CHRM2: variants seen among roughly 807,000 people sequenced by gnomAD.
CHRM2 encodes muscarinic acetylcholine receptor M2.
In CHRM2, 8 loss-of-function variants were observed where a neutral mutation model predicts 25.0. The ratio of observed to expected loss-of-function variants is 0.32; its 90% CI spans 0.19 to 0.58. CHRM2 has a LOEUF of 0.58. Among genes scored for constraint, CHRM2 ranks in the 20% least tolerant of loss-of-function variants. CHRM2 has a pLI of 0.88. For synonymous variants in CHRM2, 202 were observed against 205.7 expected (o/e 0.98, Z 0.15); for missense variants, 440 against 567.1 (o/e 0.78, Z 2.28).
chr7:137,003,210 G>T (rs974296750), intron 3 of CHRM2, among the ~76,000 whole-genome samples: 1 of 152,040 alleles, frequency 6.6e-6, no homozygotes, highest in Non-Finnish European at 1.5e-5. Flanking sequence ...CAGCCTGGTA[G>T]GGCTTGCTGC....
At chr7:136,979,573 T>C (rs773887352) in intron 2 of CHRM2, among the ~76,000 whole-genome samples, 19 of 152,248 alleles carry the variant, frequency 1.2e-4, no homozygotes, top group African/African-American at 3.9e-4. Flanking sequence ...GTTTTTATGG[T>C]TTTATGTCTT....
intron 2 of CHRM2, among the ~76,000 whole-genome samples, chr7:136,956,101 GA>G (rs1800708543): frequency 6.6e-6 from 1 of 151,984 alleles, no homozygotes; most frequent in Non-Finnish European, 1.5e-5. Context: ...TTTAATAGGG[GA>G]AAAGAGAGAT....
intron 3 of CHRM2, among the ~76,000 whole-genome samples, chr7:136,992,743 TTCTC>T: frequency 1.3e-5 from 2 of 152,270 alleles, no homozygotes; most frequent in South Asian, 4.1e-4. Flanking sequence ...CCCTCTGTCT[TTCTC>T]TCTATCTAAA....
At chr7:136,936,255 C>T (rs1473880698) in intron 2 of CHRM2, among the ~76,000 whole-genome samples, 1 of 152,136 alleles carries the variant, frequency 6.6e-6, no homozygotes. Flanking sequence ...GCTAATGTTA[C>T]TGGTCTGGAT....
intron 2 of CHRM2, among the ~76,000 whole-genome samples, chr7:136,886,637 C>G (rs1180977857): frequency 6.6e-6 from 1 of 151,950 alleles, no homozygotes; most frequent in African/African-American, 2.4e-5. Flanking sequence ...GAGGCCAAGG[C>G]AGGTGGAGTA....
At chr7:136,999,609 C>T (rs143633924) in intron 3 of CHRM2, among the ~76,000 whole-genome samples, 1 of 151,462 alleles carries the variant, frequency 6.6e-6, no homozygotes, top group African/African-American at 2.4e-5. Flanking sequence ...CATGTGTTCT[C>T]ATTGTTCAAT....
Position 137,015,771 on chromosome 7 carries a change from C to T in CHRM2, c.906C>T (p.Thr302=), listed in dbSNP as rs149168625. ...CTAATATGAGAGATGATGAAATAAC[C>T]CAGGATGAAAACACAGTTTCCACTT... The part of the protein sequence containing the change: ...VASNMRDDEI[T]QDENTVSTSL... Residue 302 remains threonine, a synonymous_variant, in exon 4 of 4, where the codon ACC becomes ACT. Coordinates refer to ENST00000680005, the MANE Select transcript of CHRM2 (RefSeq NM_001006630.2). This position sits in a 1 kb window ranked among gnomAD's most constrained non-coding sequence, Gnocchi z 5.1. 1 of 1,612,976 alleles carries T rather than the reference C, an allele frequency of 6.2e-7. No homozygotes were observed. The highest frequency in any genetic ancestry group is 1.3e-5 in the African/African-American group (1 of 74,766).
chr7:136,977,944 CT>C (rs1318806785), intron 2 of CHRM2, among the ~76,000 whole-genome samples: 1 of 152,148 alleles, frequency 6.6e-6, no homozygotes, highest in East Asian at 1.9e-4. Flanking sequence ...CGGTTTCATT[CT>C]TCTGCATATG....
At chr7:136,962,130 C>A (rs546051974) in intron 2 of CHRM2, among the ~76,000 whole-genome samples, 1 of 91,968 alleles carries the variant, frequency 1.1e-5, no homozygotes, top group African/African-American at 4.3e-5. Flanking sequence ...GAATAGGTAA[C>A]TGGTAATTCT....
chr7:136,970,284 A>T (rs537097329), intron 2 of CHRM2, among the ~76,000 whole-genome samples: 2 of 152,086 alleles, frequency 1.3e-5, no homozygotes, highest in East Asian at 3.9e-4. Flanking sequence ...CTATCTCTTT[A>T]TCTTTTATCT....
At chr7:136,983,052 G>A (rs201100930) in intron 2 of CHRM2, among the ~76,000 whole-genome samples, 14 of 152,170 alleles carry the variant, frequency 9.2e-5, no homozygotes, top group African/African-American at 2.4e-4. Flanking sequence ...ACTTGGTTCC[G>A]TTCTCCCCAT....
At chr7:136,934,391 G>A (rs1799293689) in intron 2 of CHRM2, among the ~76,000 whole-genome samples, 1 of 151,790 alleles carries the variant, frequency 6.6e-6, no homozygotes. Flanking sequence ...TTATTGCCTT[G>A]ATGACTAAAA....
chr7:136,957,607 T>C (rs1315474937), intron 2 of CHRM2, among the ~76,000 whole-genome samples: 2 of 152,230 alleles, frequency 1.3e-5, no homozygotes, highest in Non-Finnish European at 1.5e-5. Flanking sequence ...AGAGTATTTA[T>C]GGGATGACAT....
intron 2 of CHRM2, among the ~76,000 whole-genome samples, chr7:136,970,131 T>C (rs982872818): frequency 6.6e-6 from 1 of 152,216 alleles, no homozygotes; most frequent in Non-Finnish European, 1.5e-5. Context: ...TATCATCTCT[T>C]AGGTGTTAGG....
intron 2 of CHRM2, among the ~76,000 whole-genome samples, chr7:136,881,209 A>G (rs577555170): frequency 1.8e-4 from 27 of 150,888 alleles, no homozygotes; most frequent in African/African-American, 6.6e-4. Flanking sequence ...ACTGTCATGT[A>G]ATGGAAATCA....
At chr7:136,922,047 AT>A (rs1438168410) in intron 2 of CHRM2, among the ~76,000 whole-genome samples, 2 of 152,172 alleles carry the variant, frequency 1.3e-5, no homozygotes, top group Admixed American at 6.5e-5. Context: ...GATTACAGGC[AT>A]AAGCCACTGT....
At chr7:136,990,757 C>A (rs923822905) in intron 2 of CHRM2, among the ~76,000 whole-genome samples, 1 of 152,112 alleles carries the variant, frequency 6.6e-6, no homozygotes, top group African/African-American at 2.4e-5. Context: ...TTTGCTGGAT[C>A]TTATGGTAAG....
At chr7:136,991,822 C>T (rs533039605) in intron 2 of CHRM2, among the ~76,000 whole-genome samples, 185 of 152,262 alleles carry the variant, frequency 1.2e-3, no homozygotes, top group African/African-American at 3.8e-3. Flanking sequence ...AGGCAAACTA[C>T]AGTAGCTGAT....
chr7:136,930,816 G>A (rs1799039090), intron 2 of CHRM2, among the ~76,000 whole-genome samples: 1 of 144,612 alleles, frequency 6.9e-6, no homozygotes, highest in South Asian at 2.4e-4. Context: ...AGAATGGCGT[G>A]AACCTGGGAG....
Sources: gnomAD v4.1 joint callset for allele counts (sites outside exome capture counted in the v4.1 genomes callset) on GRCh38, gnomAD v4.1.1 for gene constraint, Gnocchi (gnomAD v3.1) non-coding constraint, MANE v1.5 for transcripts, NCBI Gene and HGNC (gene_info 2026-07-23, HGNC 2026-07-21) for gene names.